WWOX: variants seen among roughly 807,000 people sequenced by gnomAD.
The protein encoded by WWOX is WW domain containing oxidoreductase.
Under a neutral mutation model 46.2 loss-of-function variants are expected in WWOX, and 69 were observed. The observed-to-expected ratio is 1.49, with a 90% CI of 1.23 to 1.82. The LOEUF (loss-of-function observed/expected upper bound fraction) is 1.82. WWOX is among the 40% of genes most tolerant of loss of function. The pLI is 0.00. For synonymous variants in WWOX, 359 were observed against 202.6 expected (o/e 1.77, Z -6.56); for missense variants, 919 against 542.6 (o/e 1.69, Z -6.89).
chr16:78,305,361 A>T (rs1445505187), intron 5 of WWOX, among the ~76,000 whole-genome samples: 1 of 152,098 alleles, frequency 6.6e-6, no homozygotes, highest in African/African-American at 2.4e-5. Context: ...CCTTGCTCAC[A>T]ATAGCCAGGA....
intron 8 of WWOX, among the ~76,000 whole-genome samples, chr16:78,769,674 T>C (rs2050016857): frequency 1.3e-5 from 2 of 151,418 alleles, no homozygotes. Context: ...ATATTAAGAA[T>C]TATTAGCTAC....
chr16:78,266,789 T>TCC (rs1491152347), intron 5 of WWOX, among the ~76,000 whole-genome samples: 4 of 27,320 alleles, frequency 1.5e-4, no homozygotes, highest in African/African-American at 7.7e-4. Flanking sequence ...ATTCTTCTAT[T>TCC]CTCTCTCTCT....
chr16:78,850,942 G>A (rs8058429), intron 8 of WWOX, among the ~76,000 whole-genome samples: 34,399 of 152,102 alleles, frequency 0.23, 4,467 homozygotes, highest in South Asian at 0.32. Context: ...GATGGCAGTC[G>A]GGAGTGTGCC....
At chr16:78,506,041 A>G (rs936120658) in intron 8 of WWOX, among the ~76,000 whole-genome samples, 4 of 152,314 alleles carry the variant, frequency 2.6e-5, no homozygotes, top group African/African-American at 9.6e-5. Context: ...GCACCCCTGG[A>G]TCTTCTGCTG....
intron 8 of WWOX, among the ~76,000 whole-genome samples, chr16:78,944,428 C>T (rs1256154119): frequency 6.6e-6 from 1 of 152,142 alleles, no homozygotes; most frequent in Non-Finnish European, 1.5e-5. Flanking sequence ...AAATTATAAA[C>T]AGGTGATGGG....
In WWOX at chr16:79,024,869, C is replaced by T. The variant is rs887197670; in HGVS notation, c.1057-186739C>T. 7.2e-5 allele frequency among the ~76,000 whole-genome samples: 11 copies of T among 152,274 alleles called. No individual in the cohort carries two copies. In the East Asian group the frequency reaches 1.2e-3, roughly 16 times the overall value. ...ACAGGCGTGAGCCACCACACCTGGCCGCTGGAAATACATTTCTAAAGAGGA... is the reference window on the plus strand; with the variant it reads ...ACAGGCGTGAGCCACCACACCTGGCTGCTGGAAATACATTTCTAAAGAGGA... On this transcript the variant is annotated intron_variant, in intron 8 of 8. Transcript: ENST00000566780.
intron 5 of WWOX, among the ~76,000 whole-genome samples, chr16:78,195,634 C>T (rs1376021162): frequency 6.6e-6 from 1 of 151,880 alleles, no homozygotes; most frequent in Non-Finnish European, 1.5e-5. Flanking sequence ...CCAGCCTGAG[C>T]AACATGACGA....
intron 4 of WWOX, among the ~76,000 whole-genome samples, chr16:78,128,253 G>A (rs1479545031): frequency 2.0e-5 from 3 of 152,044 alleles, no homozygotes. Context: ...CAGGGTTTAC[G>A]AAGTGAACCG....
At chr16:78,730,617 A>ATTTTTTTTTTTTTTT (rs536906826) in intron 8 of WWOX, among the ~76,000 whole-genome samples, 6 of 123,062 alleles carry the variant, frequency 4.9e-5, no homozygotes, top group African/African-American at 1.5e-4. Context: ...ACGCCCGGCA[A>ATTTTTTTTTTTTTTT]TTTTTTTTTT....
At chr16:78,725,584 C>T (rs140808342) in intron 8 of WWOX, among the ~76,000 whole-genome samples, 7 of 151,682 alleles carry the variant, frequency 4.6e-5, no homozygotes, top group Non-Finnish European at 7.4e-5. Flanking sequence ...TGACCTCAGG[C>T]GATCTACCCG....
intron 8 of WWOX, among the ~76,000 whole-genome samples, chr16:79,013,117 G>C (rs1247949970): frequency 1.3e-5 from 2 of 152,208 alleles, no homozygotes; most frequent in African/African-American, 4.8e-5. Context: ...TGGTCCTCCA[G>C]AATTGCCCTG....
At chr16:78,850,243 C>T (rs933504858) in intron 8 of WWOX, among the ~76,000 whole-genome samples, 2 of 152,094 alleles carry the variant, frequency 1.3e-5, no homozygotes, top group African/African-American at 2.4e-5. Flanking sequence ...TGTCATCACT[C>T]CAGACAACAG....
chr16:79,170,332 C>T (rs558250789), intron 8 of WWOX, among the ~76,000 whole-genome samples: 3 of 152,278 alleles, frequency 2.0e-5, no homozygotes, highest in South Asian at 4.2e-4. Flanking sequence ...TATGCAAGGT[C>T]CCCCAGCTAG....
chr16:78,164,907 T>C (rs2034921938), intron 5 of WWOX, among the ~76,000 whole-genome samples: 1 of 151,946 alleles, frequency 6.6e-6, no homozygotes, highest in Admixed American at 6.6e-5. Context: ...TGTGATGGAG[T>C]CATCAGCAGG....
At chr16:78,592,875 C>G (rs1282890148) in intron 8 of WWOX, among the ~76,000 whole-genome samples, 2 of 152,150 alleles carry the variant, frequency 1.3e-5, no homozygotes, top group Non-Finnish European at 2.9e-5. Context: ...AATGACCAGG[C>G]AGCATGAAAA....
chr16:78,743,031 G>T (rs113611582), intron 8 of WWOX, among the ~76,000 whole-genome samples: 1 of 145,602 alleles, frequency 6.9e-6, no homozygotes, highest in Non-Finnish European at 1.5e-5. Flanking sequence ...TACTGCAGCC[G>T]GGAGGTTAGG....
intron 5 of WWOX, among the ~76,000 whole-genome samples, chr16:78,362,846 T>G (rs912190566): frequency 6.6e-6 from 1 of 152,186 alleles, no homozygotes; most frequent in Non-Finnish European, 1.5e-5. Context: ...AGTATTTTGC[T>G]TGCAAAGATG....
At chr16:78,693,518 G>T (rs550701127) in intron 8 of WWOX, among the ~76,000 whole-genome samples, 1 of 152,198 alleles carries the variant, frequency 6.6e-6, no homozygotes, top group East Asian at 1.9e-4. Flanking sequence ...AAATAATTAT[G>T]TTTGTTTAAA....
intron 8 of WWOX, among the ~76,000 whole-genome samples, chr16:79,073,435 C>G (rs1329565722): frequency 6.6e-6 from 1 of 152,104 alleles, no homozygotes; most frequent in African/African-American, 2.4e-5. Flanking sequence ...CCAACTCGGC[C>G]TCCCAAAGTG....
Sources: allele counts gnomAD v4.1 joint callset (sites outside exome capture counted in the v4.1 genomes callset), GRCh38; gene constraint gnomAD v4.1.1; transcripts MANE v1.5; gene names NCBI Gene and HGNC (gene_info 2026-07-23, HGNC 2026-07-21).